Variants in SRBD1 observed in about 807,000 individuals in gnomAD.
SRBD1 encodes the protein S1 RNA binding domain 1.
SRBD1 carries 88 observed loss-of-function variants against 115.3 expected under a neutral mutation model. That is an observed-to-expected ratio of 0.76 (90% CI 0.64 to 0.91). The LOEUF is 0.91. Among genes scored for constraint, SRBD1 ranks in the 40% least tolerant of loss-of-function variants. The probability of loss-of-function intolerance (pLI) is 0.00; values close to 1 mark genes in which losing one functional copy is unlikely to be tolerated. For missense variants in SRBD1, 1,385 were observed against 1,177.4 expected (o/e 1.18, Z -2.58); for synonymous variants, 509 against 407.7 (o/e 1.25, Z -2.99).
chr2:45,579,530 T>C (rs192416253), intron 7 of SRBD1, among the ~76,000 whole-genome samples: 49 of 152,114 alleles, frequency 3.2e-4, no homozygotes, highest in Non-Finnish European at 1.3e-4. Flanking sequence ...ACTCAACTAA[T>C]ACCTATTTAT....
At chr2:45,567,391 G>C (rs1039379008) in intron 9 of SRBD1, among the ~76,000 whole-genome samples, 5 of 152,056 alleles carry the variant, frequency 3.3e-5, no homozygotes, top group African/African-American at 1.2e-4. Flanking sequence ...AGGAGGACTG[G>C]TTGAGCTCAG....
chr2:45,533,361 A>G (rs1438541304), intron 14 of SRBD1, among the ~76,000 whole-genome samples: 4 of 152,120 alleles, frequency 2.6e-5, no homozygotes, highest in African/African-American at 4.8e-5. Flanking sequence ...GATGGTTACT[A>G]AAAGTCCTAA....
In SRBD1 at chr2:45,581,685, T is replaced by C; in HGVS notation, c.933+8A>G. ...GTATTACATTAAAAGATAAAAAGGA[T>C]TCCTTACCACGTGTTCTAGTTCTTC... On this transcript the variant is annotated splice_region_variant and intron_variant, in intron 6 of 20. Transcript: ENST00000263736. 6.2e-7 allele frequency: 1 copy of C among 1,604,296 alleles called. No homozygotes were observed. The highest frequency in any genetic ancestry group is 1.7e-5 in the Admixed American group (1 of 58,232).
chr2:45,404,717 C>T (rs1165934360), intron 19 of SRBD1, among the ~76,000 whole-genome samples: 1 of 152,144 alleles, frequency 6.6e-6, no homozygotes, highest in Non-Finnish European at 1.5e-5. Context: ...CTTAAAACAG[C>T]AGACAAGGGG....
intron 14 of SRBD1, among the ~76,000 whole-genome samples, chr2:45,509,348 G>A (rs1171311948): frequency 6.6e-6 from 1 of 151,790 alleles, no homozygotes; most frequent in Non-Finnish European, 1.5e-5. Context: ...TGTAATCCCA[G>A]CACTTTGAGA....
At chr2:45,512,153 A>T (rs1670990341) in intron 14 of SRBD1, among the ~76,000 whole-genome samples, 1 of 152,238 alleles carries the variant, frequency 6.6e-6, no homozygotes, top group Admixed American at 6.5e-5. Context: ...TGCCAAAGGG[A>T]TTTTCTTGGT....
intron 19 of SRBD1, among the ~76,000 whole-genome samples, chr2:45,397,446 T>C (rs1444084018): frequency 6.6e-6 from 1 of 152,220 alleles, no homozygotes; most frequent in South Asian, 2.1e-4. Flanking sequence ...TGCTCCTTTA[T>C]GCTATCTACA....
At chr2:45,481,726 TG>T (rs1669972035) in intron 15 of SRBD1, among the ~76,000 whole-genome samples, 1 of 152,086 alleles carries the variant, frequency 6.6e-6, no homozygotes, top group Non-Finnish European at 1.5e-5. Flanking sequence ...ATCTATCAAC[TG>T]ATGACTAAAC....
chr2:45,551,393 C>A (rs1672295233), intron 11 of SRBD1, 111 bp from the exon 12 acceptor site: 2 of 1,103,016 alleles, frequency 1.8e-6, no homozygotes, highest in South Asian at 1.6e-5. Flanking sequence ...TTTATTATAA[C>A]AATATAACTT....
chr2:45,484,599 A>T (rs1008942029), intron 15 of SRBD1, among the ~76,000 whole-genome samples: 2 of 152,220 alleles, frequency 1.3e-5, no homozygotes, highest in Non-Finnish European at 2.9e-5. Flanking sequence ...TGAAATTCCC[A>T]TAACATATAA....
At chr2:45,598,939 G>A (rs1412760499) in intron 4 of SRBD1, among the ~76,000 whole-genome samples, 2 of 152,158 alleles carry the variant, frequency 1.3e-5, no homozygotes, top group Non-Finnish European at 2.9e-5. Flanking sequence ...AAAAAACTGG[G>A]AGAAATCTGA....
At chr2:45,461,345 A>G (rs866119480) in intron 16 of SRBD1, among the ~76,000 whole-genome samples, 3 of 152,180 alleles carry the variant, frequency 2.0e-5, no homozygotes, top group Admixed American at 6.5e-5. Context: ...GGTACTTGGC[A>G]CATCTGGAAA....
At chr2:45,414,735 G>GTATATAGTATGTACACACACACAGTGTA (rs1179969030) in intron 18 of SRBD1, among the ~76,000 whole-genome samples, 2 of 126,560 alleles carry the variant, frequency 1.6e-5, no homozygotes. Flanking sequence ...CACACAGTGT[G>GTATATAGTATGTACACACACACAGTGTA]TATATAGTAT....
chr2:45,525,856 A>T (rs571885141), intron 14 of SRBD1, among the ~76,000 whole-genome samples: 1 of 152,228 alleles, frequency 6.6e-6, no homozygotes, highest in East Asian at 1.9e-4. Flanking sequence ...ATTGCCAATA[A>T]GCATATGAAG....
At chr2:45,549,295 CAG>C (rs60714207) in intron 12 of SRBD1, among the ~76,000 whole-genome samples, 60,208 of 149,058 alleles carry the variant, frequency 0.4, 12,500 homozygotes, top group Non-Finnish European at 0.47. Flanking sequence ...TCAATCCACA[CAG>C]AGTTTTTTTT....
intron 16 of SRBD1, among the ~76,000 whole-genome samples, chr2:45,454,949 T>C (rs972921865): frequency 1.3e-5 from 2 of 151,846 alleles, no homozygotes; most frequent in Non-Finnish European, 2.9e-5. Flanking sequence ...AATTTTTATA[T>C]ATTTTAACAA....
intron 16 of SRBD1, among the ~76,000 whole-genome samples, chr2:45,421,488 C>T (rs1221266441): frequency 2.1e-4 from 22 of 107,136 alleles, no homozygotes; most frequent in East Asian, 9.3e-4. Context: ...GCCTGGGTGA[C>T]GGTGTGAGAC....
rs149810553 is a variant in SRBD1, at chr2:45,585,948, T to C, written c.649-174A>G. Among the ~76,000 whole-genome samples the C allele has an allele frequency of 6.2e-3, 948 of 152,312 alleles. 7 individuals carry two copies. Among genetic ancestry groups the C allele is most frequent in the African/African-American group, 0.02 (812 of 41,568 alleles). On this transcript the variant is annotated intron_variant, in intron 4 of 20. Transcript: ENST00000263736. ...TACATGTATCCATTGACAATCATAA[T>C]GGTAAAATAGCCATTTCACAAATTC...
chr2:45,594,317 C>G (rs1673823800), intron 4 of SRBD1, among the ~76,000 whole-genome samples: 1 of 152,074 alleles, frequency 6.6e-6, no homozygotes, highest in African/African-American at 2.4e-5. Context: ...TTTTGTTTGC[C>G]TTTTCTCCCT....
Sources: allele counts gnomAD v4.1 joint callset (sites outside exome capture counted in the v4.1 genomes callset), GRCh38; gene constraint gnomAD v4.1.1; transcripts MANE v1.5; gene names NCBI Gene and HGNC (gene_info 2026-07-23, HGNC 2026-07-21).